Variants in NRTN observed in about 807,000 individuals in gnomAD.
NRTN encodes neurturin, also known as prepro-neurturin.
In NRTN, 3 loss-of-function variants were observed where a neutral mutation model predicts 7.5. That is an observed-to-expected ratio of 0.40 (90% CI 0.18 to 1.03). NRTN has a LOEUF of 1.03. Ranked by LOEUF, NRTN falls within the 50% of genes least tolerant of loss-of-function variation. The pLI is 0.34. For synonymous variants in NRTN, 157 were observed against 146.6 expected, an observed-to-expected ratio of 1.07 and a Z score of -0.51; for missense variants, 310 against 307.0, an observed-to-expected ratio of 1.01 and a Z score of -0.07.
Position 5,827,834 on chromosome 19 carries a change from TCGGGCGGGGCC to T in NRTN, c.257_267del (p.Arg86ProfsTer150). On this transcript the variant is annotated frameshift_variant, in exon 3 of 3. Coordinates refer to ENST00000303212, the MANE Select transcript of NRTN (RefSeq NM_004558.5). LOFTEE classifies it low-confidence loss of function (END_TRUNC). ...CTGGGCGGCCCCCAGGTCCGCGCCGTCGGGCGGGGCCCCGGCGGCGGCGCGCGCGTGCGCGG... is the reference window on the plus strand; with the variant it reads ...CTGGGCGGCCCCCAGGTCCGCGCCGTCCGGCGGCGGCGCGCGCGTGCGCGG... 1 of 1,163,622 alleles carries T rather than the reference TCGGGCGGGGCC, an allele frequency of 8.6e-7. No homozygotes were observed. The highest frequency in any genetic ancestry group is 1.1e-6 in the Non-Finnish European group (1 of 947,254). 72.1% of individuals were successfully genotyped at this position (1,163,622 alleles called of 1,614,324 possible).
At position 5,806,220 on chromosome 19, in the gene NRTN, G is replaced by T. The variant is rs2056974833; in HGVS notation, c.-399+769G>T. ...GCCCAAGGGGGCTGCAGACAGATTA[G>T]TGGGGAGGGGGGTGTGCTGGAGAGA... On this transcript the variant is annotated intron_variant, in intron 1 of 2. Transcript: ENST00000303212. This position sits in a 1 kb window ranked among gnomAD's most constrained non-coding sequence, Gnocchi z 5.4. Among the ~76,000 whole-genome samples, 2 of 152,156 alleles carry T rather than the reference G, an allele frequency of 1.3e-5. No homozygotes were observed. Among genetic ancestry groups the T allele is most frequent in the South Asian group, 4.1e-4 (2 of 4,830 alleles).
intron 1 of NRTN, among the ~76,000 whole-genome samples, chr19:5,811,528 A>C (rs2056990418): frequency 6.6e-6 from 1 of 152,114 alleles, no homozygotes; most frequent in African/African-American, 2.4e-5. Context: ...TGTTAGTTTC[A>C]GTTATTATTA....
At chr19:5,822,392 C>T (rs1220251102) in intron 1 of NRTN, among the ~76,000 whole-genome samples, 1 of 152,214 alleles carries the variant, frequency 6.6e-6, no homozygotes, top group Non-Finnish European at 1.5e-5. Flanking sequence ...GGCCGCCAGG[C>T]TCCACGCCGC....
Position 5,812,172 on chromosome 19 carries a change from G to GTTATTA in NRTN, c.-399+6739_-399+6744dup, listed in dbSNP as rs58005663. The stretch of plus-strand genomic sequence containing the variant: ...GGTGTGAGCCACCGTGCCGGGCCCA[G>GTTATTA]TTATTATTATTATTATTATTATTTT... On this transcript the variant is annotated intron_variant, in intron 1 of 2. Transcript: ENST00000303212. Among the ~76,000 whole-genome samples the GTTATTA allele has an allele frequency of 2.1e-3, 320 of 149,942 alleles. 1 individual carries two copies. The highest frequency in any genetic ancestry group is 7.4e-3 in the African/African-American group (295 of 40,088).
rs374046362 is a variant in NRTN, at chr19:5,824,148, C to T, written c.-18C>T. On this transcript the variant is annotated 5_prime_UTR_variant, in exon 2 of 3. Coordinates refer to ENST00000303212, the MANE Select transcript of NRTN (RefSeq NM_004558.5). ...AGACGGGGCGTGCGGCTGACCATCC[C>T]GTGCCCGCAGGCTGAGGATGCAGCG... 2.4e-5 allele frequency: 39 copies of T among 1,604,020 alleles called. No homozygotes were observed. Among genetic ancestry groups the T allele is most frequent in the African/African-American group, 2.3e-4 (17 of 75,010 alleles).
chr19:5,816,358 T>C (rs2057005186), intron 1 of NRTN, among the ~76,000 whole-genome samples: 2 of 152,138 alleles, frequency 1.3e-5, no homozygotes, highest in South Asian at 4.1e-4. Flanking sequence ...TTTTTGTCTT[T>C]TCTCTTCTCA....
intron 1 of NRTN, among the ~76,000 whole-genome samples, chr19:5,805,778 C>A (rs984018456): frequency 5.3e-5 from 8 of 151,984 alleles, no homozygotes; most frequent in Non-Finnish European, 1.0e-4. Flanking sequence ...TCCCCAGAAT[C>A]CCCTTAGCCT....
intron 1 of NRTN, among the ~76,000 whole-genome samples, chr19:5,812,858 C>A (rs964123884): frequency 6.6e-6 from 1 of 152,196 alleles, no homozygotes; most frequent in Non-Finnish European, 1.5e-5. Flanking sequence ...AGCTGTGAGC[C>A]CTCGAGCTAT....
At chr19:5,818,353 G>A (rs867793157) in intron 1 of NRTN, among the ~76,000 whole-genome samples, 3 of 149,778 alleles carry the variant, frequency 2.0e-5, no homozygotes, top group Admixed American at 6.6e-5. Context: ...GTGTGAGTGT[G>A]TGAGTGTGTG....
chr19:5,805,709 C>G (rs1245779164), intron 1 of NRTN, among the ~76,000 whole-genome samples: 2 of 152,014 alleles, frequency 1.3e-5, no homozygotes, highest in Non-Finnish European at 2.9e-5. Context: ...TCCGACGGGG[C>G]GGGCGCACTC....
intron 1 of NRTN, among the ~76,000 whole-genome samples, chr19:5,808,757 CTT>C (rs60945267): frequency 0.23 from 29,836 of 129,856 alleles, 3,588 homozygotes; most frequent in East Asian, 0.49. Context: ...TCAATGGTGG[CTT>C]TTTTTTTTTT....
chr19:5,817,359 G>A (rs1010368929), intron 1 of NRTN, among the ~76,000 whole-genome samples: 13 of 149,908 alleles, frequency 8.7e-5, no homozygotes, highest in Non-Finnish European at 1.6e-4. Context: ...ATCAAAGAAA[G>A]AGAGAGAGAG....
chr19:5,827,405 A>G (rs1026198297), intron 2 of NRTN, among the ~76,000 whole-genome samples: 3 of 152,110 alleles, frequency 2.0e-5, no homozygotes, highest in Non-Finnish European at 2.9e-5. Flanking sequence ...GAGGTGAGTT[A>G]GAGACCCCGG....
chr19:5,817,869 A>G (rs1223119613), intron 1 of NRTN, among the ~76,000 whole-genome samples: 2 of 152,122 alleles, frequency 1.3e-5, no homozygotes, highest in Non-Finnish European at 2.9e-5. Flanking sequence ...GTGTGATCTC[A>G]GCTCACTGCA....
chr19:5,811,564 G>A (rs887733313), intron 1 of NRTN, among the ~76,000 whole-genome samples: 3 of 152,228 alleles, frequency 2.0e-5, no homozygotes, highest in Admixed American at 2.0e-4. Flanking sequence ...ACGGAGTCTC[G>A]CCCTGTCGCC....
At chr19:5,815,781 A>C (rs1208005393) in intron 1 of NRTN, among the ~76,000 whole-genome samples, 2 of 115,718 alleles carry the variant, frequency 1.7e-5, no homozygotes, top group Admixed American at 1.0e-4. Flanking sequence ...GACTCACTCT[A>C]TTGCCCAGGC....
Position 5,828,001 on chromosome 19 carries a change from A to G in NRTN, c.422A>G (p.Tyr141Cys). ...GCCTGCGAGGCTGCCGCGCGCGTCT[A>G]CGACCTCGGGCTGCGACGACTGCGC... ...AGACEAAARV[Y>C]DLGLRRLRQR... is the part of the protein sequence containing the mutation. Residue 141 changes from tyrosine (Y) to cysteine (C), a missense_variant, in exon 3 of 3, where the codon TAC becomes TGC. Physicochemically the swap from Tyr to Cys is radical, Grantham distance 194 (BLOSUM62 -2). Coordinates refer to ENST00000303212, the MANE Select transcript of NRTN (RefSeq NM_004558.5). 1 of 1,459,018 alleles carries G rather than the reference A, an allele frequency of 6.9e-7. No homozygotes were observed. The highest frequency in any genetic ancestry group is 3.0e-5 in the East Asian group (1 of 33,826). The allele number at this position is 1,459,018 out of a possible 1,614,324, so 90.4% of individuals were successfully genotyped here.
intron 1 of NRTN, among the ~76,000 whole-genome samples, chr19:5,819,372 TA>T (rs2057015747): frequency 1.3e-5 from 2 of 150,680 alleles, no homozygotes; most frequent in Admixed American, 6.6e-5. Flanking sequence ...ACAAAAAATA[TA>T]AAAATTGGTC....
intron 1 of NRTN, among the ~76,000 whole-genome samples, chr19:5,812,034 C>T (rs1345678833): frequency 1.3e-5 from 2 of 150,120 alleles, no homozygotes; most frequent in African/African-American, 2.5e-5. Context: ...CACGCCCAGC[C>T]AATTTTTTTT....
Sources: gnomAD v4.1 joint callset for allele counts (sites outside exome capture counted in the v4.1 genomes callset) on GRCh38, gnomAD v4.1.1 for gene constraint, Gnocchi (gnomAD v3.1) non-coding constraint, MANE v1.5 for transcripts, NCBI Gene and HGNC (gene_info 2026-07-23, HGNC 2026-07-21) for gene names.